The following BCL2L13 variants were observed in gnomAD, a reference collection of about 807,000 sequenced individuals.
BCL2L13 encodes the protein BCL2 like 13.
BCL2L13 carries 13 observed loss-of-function variants against 25.8 expected under a neutral mutation model. The observed-to-expected ratio is 0.50, with a 90% CI of 0.33 to 0.80. The LOEUF is 0.80. Among genes scored for constraint, BCL2L13 ranks in the 30% least tolerant of loss-of-function variants. The pLI is 0.02. For missense variants in BCL2L13, 504 were observed against 574.9 expected (o/e 0.88, Z 1.26); for synonymous variants, 244 against 230.3 (o/e 1.06, Z -0.54).
chr22:17,659,437 G>A (rs1418791779), intron 2 of BCL2L13, among the ~76,000 whole-genome samples: 1 of 145,516 alleles, frequency 6.9e-6, no homozygotes, highest in Non-Finnish European at 1.6e-5. Flanking sequence ...TGAGGCGGGT[G>A]GATCACGAGG....
At chr22:17,713,059 A>G (rs1161232374) in intron 6 of BCL2L13, among the ~76,000 whole-genome samples, 1 of 152,164 alleles carries the variant, frequency 6.6e-6, no homozygotes, top group Non-Finnish European at 1.5e-5. Context: ...ATACCCTTTT[A>G]CATTTAACCA....
At chr22:17,684,244 G>C (rs1201086205) in intron 3 of BCL2L13, among the ~76,000 whole-genome samples, 1 of 152,092 alleles carries the variant, frequency 6.6e-6, no homozygotes, top group Non-Finnish European at 1.5e-5. Flanking sequence ...GGCCTCAGGA[G>C]GGTTGCTTGA....
chr22:17,650,230 C>A (rs2058637679), intron 1 of BCL2L13, among the ~76,000 whole-genome samples: 1 of 152,110 alleles, frequency 6.6e-6, no homozygotes, highest in Admixed American at 6.6e-5. Flanking sequence ...TGTTCACTGC[C>A]TTCTTATTGA....
chr22:17,684,891 C>CTG (rs1394371167), intron 3 of BCL2L13, among the ~76,000 whole-genome samples: 2 of 152,088 alleles, frequency 1.3e-5, no homozygotes, highest in Non-Finnish European at 2.9e-5. Context: ...TGCCACCACA[C>CTG]CCGACTAATT....
At chr22:17,677,132 C>T (rs368603736) in intron 2 of BCL2L13, among the ~76,000 whole-genome samples, 4 of 151,584 alleles carry the variant, frequency 2.6e-5, no homozygotes, top group East Asian at 3.9e-4. Flanking sequence ...CCTGCCTAGG[C>T]AATATAGTGA....
At chr22:17,719,764 G>C (rs35477714) in intron 6 of BCL2L13, among the ~76,000 whole-genome samples, 75,715 of 148,388 alleles carry the variant, frequency 0.51, 20,105 homozygotes, top group East Asian at 0.84. Flanking sequence ...GGGAGGCGGA[G>C]GTTGCAGTGA....
intron 6 of BCL2L13, among the ~76,000 whole-genome samples, chr22:17,724,823 C>A (rs1217021618): frequency 6.6e-6 from 1 of 152,246 alleles, no homozygotes; most frequent in African/African-American, 2.4e-5. Flanking sequence ...CTGTGACATT[C>A]CATTCCATTG....
At chr22:17,722,202 CTATTT>C (rs1166001518) in intron 6 of BCL2L13, among the ~76,000 whole-genome samples, 4 of 151,882 alleles carry the variant, frequency 2.6e-5, no homozygotes, top group Non-Finnish European at 5.9e-5. Flanking sequence ...GTTCTGGATT[CTATTT>C]TATTTAATTG....
intron 1 of BCL2L13, among the ~76,000 whole-genome samples, chr22:17,648,858 G>C (rs760654950): frequency 5.9e-5 from 9 of 152,160 alleles, no homozygotes; most frequent in Non-Finnish European, 1.0e-4. Context: ...TGGCTTTTGG[G>C]TTGGCAAACG....
intron 1 of BCL2L13, 40 bp from the exon 2 acceptor site, chr22:17,655,622 A>G (rs963568972): frequency 1.3e-6 from 2 of 1,491,812 alleles, no homozygotes; most frequent in Non-Finnish European, 1.8e-6. Flanking sequence ...AGTGGCATGT[A>G]ATAAACTTTA....
chr22:17,687,553 G>C (rs1601664060), intron 3 of BCL2L13, among the ~76,000 whole-genome samples: 2 of 151,916 alleles, frequency 1.3e-5, no homozygotes, highest in South Asian at 4.1e-4. Flanking sequence ...GTCTCGCTCT[G>C]TCACCCAGGC....
intron 2 of BCL2L13, among the ~76,000 whole-genome samples, chr22:17,676,593 AAG>A (rs1035515630): frequency 1.9e-4 from 29 of 152,360 alleles, no homozygotes; most frequent in African/African-American, 6.7e-4. Flanking sequence ...CTGGAAGGGA[AAG>A]AGAGAATTTT....
At position 17,726,674 on chromosome 22, in the gene BCL2L13, T is replaced by C; in HGVS notation, c.601-3T>C. ...ATTATTGACGCTTGTCCTTCGTTTC[T>C]AGGGCACTGTGTTTAGTCTTGAGTC... On this transcript the variant is annotated splice_polypyrimidine_tract_variant and splice_region_variant and intron_variant, in intron 6 of 6. Transcript: ENST00000317582. The C allele has an allele frequency of 6.2e-7, 1 of 1,607,016 alleles. No homozygotes were observed. The highest frequency in any genetic ancestry group is 1.1e-5 in the South Asian group (1 of 90,892).
intron 6 of BCL2L13, among the ~76,000 whole-genome samples, chr22:17,715,189 TTTTTTTTTTTTTTTG>T (rs2060911320): frequency 1.1e-5 from 1 of 94,742 alleles, no homozygotes; most frequent in African/African-American, 4.1e-5. Flanking sequence ...TTTTTTTTTT[TTTTTTTTTTTTTTTG>T]AGGTAGGGTC....
intron 4 of BCL2L13, among the ~76,000 whole-genome samples, chr22:17,692,909 C>T (rs1298956063): frequency 6.6e-6 from 1 of 151,920 alleles, no homozygotes; most frequent in Non-Finnish European, 1.5e-5. Context: ...AAAAAATTAT[C>T]GAGCTATTTT....
intron 2 of BCL2L13, among the ~76,000 whole-genome samples, chr22:17,659,476 A>G (rs1449875359): frequency 6.9e-6 from 1 of 145,130 alleles, no homozygotes; most frequent in Non-Finnish European, 1.6e-5. Context: ...CCTGGCTAAC[A>G]TGGTGAAACC....
At chr22:17,706,002 T>G (rs959900844) in intron 6 of BCL2L13, among the ~76,000 whole-genome samples, 6 of 152,238 alleles carry the variant, frequency 3.9e-5, no homozygotes, top group African/African-American at 1.4e-4. Context: ...TTTTGTTTTC[T>G]GAATTATTAA....
At chr22:17,666,953 G>T (rs902038847) in intron 2 of BCL2L13, among the ~76,000 whole-genome samples, 7 of 152,084 alleles carry the variant, frequency 4.6e-5, no homozygotes, top group Non-Finnish European at 1.0e-4. Context: ...CCAAAGTGCT[G>T]GGATTACAGG....
rs371314290 is a variant in BCL2L13 at position 17,717,380 on chromosome 22, C to CAAAAAAAAAAAAA, written c.601-9291_601-9290insAAAAAAAAAAAAA. On this transcript the variant is annotated intron_variant, in intron 6 of 6. Coordinates refer to ENST00000317582, the MANE Select transcript of BCL2L13 (RefSeq NM_015367.4). ...GGGGCAACAGAGTGAGACTCTGTCT[C>CAAAAAAAAAAAAA]AAAAAAGATCCAATGTTGTTGTTCC... is the stretch of plus-strand genomic sequence containing the variant. Among the ~76,000 whole-genome samples the CAAAAAAAAAAAAA allele has an allele frequency of 2.9e-4, 37 of 126,274 alleles. 2 individuals are homozygous for CAAAAAAAAAAAAA. Among genetic ancestry groups the CAAAAAAAAAAAAA allele is most frequent in the African/African-American group, 9.2e-4 (26 of 28,302 alleles). The allele number at this position is 126,274 out of a possible 152,430, so 82.8% of individuals were successfully genotyped here. A position where few individuals can be genotyped will look rare whatever the true frequency, so the allele number is the denominator to read the frequency against.
Sources: gnomAD v4.1 joint callset for allele counts (sites outside exome capture counted in the v4.1 genomes callset) on GRCh38, gnomAD v4.1.1 for gene constraint, MANE v1.5 for transcripts, NCBI Gene and HGNC (gene_info 2026-07-23, HGNC 2026-07-21) for gene names.